WDR20: variants seen among roughly 807,000 people sequenced by gnomAD.
The protein encoded by WDR20 is WD repeat domain 20.
A neutral mutation model predicts 38.7 loss-of-function variants in WDR20; 3 were observed. The observed-to-expected ratio is 0.08, with a 90% CI of 0.04 to 0.20. The LOEUF is 0.20. Ranked by LOEUF, WDR20 falls within the 10% of genes least tolerant of loss-of-function variation. The pLI is 1.00. For synonymous variants in WDR20, 298 were observed against 285.6 expected, an observed-to-expected ratio of 1.04 and a Z score of -0.44; for missense variants, 559 against 727.7, an observed-to-expected ratio of 0.77 and a Z score of 2.67.
At position 102,222,915 on chromosome 14, in the gene WDR20, G is replaced by A; in HGVS notation, c.*32G>A. 6.2e-7 allele frequency: 1 copy of A among 1,613,682 alleles called. No individual in the cohort carries two copies. ...CACTGCTGCGCGCACAGTCTCCCGG[G>A]ACTTGGACTCGAGGGAGTGACGAGG... On this transcript the variant is annotated 3_prime_UTR_variant, in exon 4 of 4. Coordinates refer to the WDR20 transcript ENST00000335263. This position sits in a 1 kb window ranked among gnomAD's most constrained non-coding sequence, Gnocchi z 4.4.
intron 1 of WDR20, among the ~76,000 whole-genome samples, chr14:102,161,501 A>G (rs1359737227): frequency 6.6e-6 from 1 of 151,726 alleles, no homozygotes; most frequent in Admixed American, 6.6e-5. Flanking sequence ...TTTTGTATAG[A>G]CAGGGTTTCG....
At chr14:102,148,011 G>C (rs537995591) in intron 1 of WDR20, among the ~76,000 whole-genome samples, 5 of 152,284 alleles carry the variant, frequency 3.3e-5, no homozygotes, top group Admixed American at 1.3e-4. Flanking sequence ...GATTACAGGC[G>C]TGGGCTACTA....
intron 1 of WDR20, among the ~76,000 whole-genome samples, chr14:102,173,476 ATTATTT>A (rs1372864875): frequency 6.3e-5 from 8 of 127,044 alleles, no homozygotes; most frequent in African/African-American, 1.2e-4. Flanking sequence ...TATTATTATT[ATTATTT>A]TTATCAATAG....
At chr14:102,203,589 A>C (rs1356003762) in intron 2 of WDR20, among the ~76,000 whole-genome samples, 1 of 152,158 alleles carries the variant, frequency 6.6e-6, no homozygotes, top group African/African-American at 2.4e-5. Flanking sequence ...CAGATGCCAC[A>C]CATGGCCTGG....
chr14:102,151,990 C>T (rs2056055032), intron 1 of WDR20, among the ~76,000 whole-genome samples: 1 of 152,038 alleles, frequency 6.6e-6, no homozygotes, highest in African/African-American at 2.4e-5. Flanking sequence ...GGCACGATCT[C>T]AACTCACTGC....
rs376115001 is a variant in WDR20, at chr14:102,199,558, T to C, written c.432+4438T>C. The stretch of plus-strand genomic sequence containing the variant: ...CCCGCTGGTCACAATTACAGCAATG[T>C]GGCCTTTCAGTGTTCCTCACCAGAA... On this transcript the variant is annotated intron_variant, in intron 2 of 2. Transcript: ENST00000342702. 2.0e-5 allele frequency among the ~76,000 whole-genome samples: 3 copies of C among 152,202 alleles called. No homozygotes were observed. In the East Asian group the frequency reaches 5.8e-4, roughly 29 times the overall value.
rs1386220117 is a variant in WDR20 at position 102,188,921 on chromosome 14, T to A, written c.250-6017T>A. Among the ~76,000 whole-genome samples the A allele has an allele frequency of 2.2e-5, 3 of 139,026 alleles. No homozygotes were observed. In the Admixed American group the frequency reaches 2.2e-4, roughly 10 times the overall value. The allele number at this position is 139,026 out of a possible 152,430, so 91.2% of individuals were successfully genotyped here. ...TTCCAGAGATCTTAAGGATGAAAAG[T>A]CTAAGGAAGGCCAGGTATGATGGCT... On this transcript the variant is annotated intron_variant, in intron 1 of 2. Coordinates refer to ENST00000342702, the MANE Select transcript of WDR20 (RefSeq NM_144574.4).
At position 102,221,724 on chromosome 14, in the gene WDR20, G is replaced by A. The variant is rs769902624; in HGVS notation, c.1693-1106G>A. ...TTCCAGGCTTCCGGCAGCAGGGCGTGGGCGAGGCTGAAGGGCAGTTTCCGA... is the reference window on the plus strand; with the variant it reads ...TTCCAGGCTTCCGGCAGCAGGGCGTAGGCGAGGCTGAAGGGCAGTTTCCGA... On this transcript the variant is annotated intron_variant, in intron 3 of 3. Transcript: ENST00000335263. The surrounding 1 kb of genome is among the most constrained non-coding windows in gnomAD (Gnocchi z 4.8). Among the ~76,000 whole-genome samples, 5 of 152,206 alleles carry A rather than the reference G, an allele frequency of 3.3e-5. No individual in the cohort carries two copies. Among genetic ancestry groups the A allele is most frequent in the African/African-American group, 4.8e-5 (2 of 41,444 alleles).
chr14:102,214,271 C>CGT, downstream of WDR20: 4 of 985,570 alleles, frequency 4.1e-6, no homozygotes, highest in Non-Finnish European at 4.8e-6. Flanking sequence ...GCACACCCTT[C>CGT]GCCACGGGCT....
chr14:102,185,755 A>G (rs968808410), intron 1 of WDR20, among the ~76,000 whole-genome samples: 1 of 152,004 alleles, frequency 6.6e-6, no homozygotes, highest in Non-Finnish European at 1.5e-5. Flanking sequence ...TGGTCAGCAA[A>G]AGAATTATCG....
At chr14:102,162,974 C>T (rs1413476508) in intron 1 of WDR20, among the ~76,000 whole-genome samples, 1 of 152,176 alleles carries the variant, frequency 6.6e-6, no homozygotes, top group Non-Finnish European at 1.5e-5. Context: ...CTGGAACTCA[C>T]AGACAGAGGC....
intron 1 of WDR20, among the ~76,000 whole-genome samples, chr14:102,182,716 A>G (rs560763313): frequency 6.6e-6 from 1 of 151,878 alleles, no homozygotes; most frequent in Non-Finnish European, 1.5e-5. Flanking sequence ...TATATATAAT[A>G]TATGATTATT....
intron 1 of WDR20, among the ~76,000 whole-genome samples, chr14:102,146,257 G>A (rs1428369099): frequency 2.6e-5 from 4 of 152,000 alleles, no homozygotes; most frequent in Non-Finnish European, 5.9e-5. Context: ...TCTGGCACCC[G>A]GGTTTTAAGC....
Position 102,207,684 on chromosome 14 carries a change from A to G in WDR20, c.433-919A>G, listed in dbSNP as rs1567057731. On this transcript the variant is annotated intron_variant, in intron 2 of 2. Coordinates refer to ENST00000342702, the MANE Select transcript of WDR20 (RefSeq NM_144574.4). This position sits in a 1 kb window ranked among gnomAD's most constrained non-coding sequence, Gnocchi z 5.0. ...GATTTTGCGCTCAGACGGTCCAGAA[A>G]GGGACCGCCCCTGTGGAAGGTGTTG... is the stretch of plus-strand genomic sequence containing the variant. Among the ~76,000 whole-genome samples, 1 of 152,218 alleles carries G rather than the reference A, an allele frequency of 6.6e-6. No homozygotes were observed.
chr14:102,142,764 G>A (rs1051575138), intron 1 of WDR20, among the ~76,000 whole-genome samples: 5 of 131,882 alleles, frequency 3.8e-5, no homozygotes, highest in African/African-American at 1.4e-4. Context: ...CGCACAGTTG[G>A]CTGTTTTGAC....
In WDR20 at chr14:102,209,526, G is replaced by A. The variant is rs1223454584; in HGVS notation, c.1356G>A (p.Gly452=). 1.9e-6 allele frequency: 3 copies of A among 1,614,038 alleles called. No individual in the cohort carries two copies. The highest frequency in any genetic ancestry group is 2.5e-6 in the Non-Finnish European group (3 of 1,180,050). The change falls in exon 3 of 3, where the codon GGG becomes GGA. Residue 452 remains glycine (G), a synonymous_variant. Transcript: ENST00000342702. The surrounding 1 kb of genome is among the most constrained non-coding windows in gnomAD (Gnocchi z 6.0). The part of the protein sequence containing the change: ...NAGSKSSVMD[G]AIASGVSKFA... ...GCAGCAAAAGCAGTGTCATGGACGG[G>A]GCCATTGCTTCTGGGGTCAGCAAAT...
At chr14:102,152,173 C>G (rs1431135405) in intron 1 of WDR20, among the ~76,000 whole-genome samples, 1 of 152,016 alleles carries the variant, frequency 6.6e-6, no homozygotes, top group Admixed American at 6.6e-5. Flanking sequence ...ATCACAGCCT[C>G]CCACAGTGGT....
chr14:102,152,420 CTT>C (rs35441566), intron 1 of WDR20, among the ~76,000 whole-genome samples: 4 of 145,242 alleles, frequency 2.8e-5, no homozygotes, highest in African/African-American at 2.5e-5. Flanking sequence ...CAGGGTCTCT[CTT>C]TTTTTTTTTT....
intron 1 of WDR20, among the ~76,000 whole-genome samples, chr14:102,154,532 G>T (rs1217738784): frequency 1.3e-5 from 2 of 152,162 alleles, no homozygotes; most frequent in African/African-American, 4.8e-5. Flanking sequence ...ATTTTGAGGG[G>T]ACACAAACAT....
Sources: gnomAD v4.1 joint callset for allele counts (sites outside exome capture counted in the v4.1 genomes callset) on GRCh38, gnomAD v4.1.1 for gene constraint, Gnocchi (gnomAD v3.1) non-coding constraint, MANE v1.5 for transcripts, NCBI Gene and HGNC (gene_info 2026-07-23, HGNC 2026-07-21) for gene names.